ASIC2: variants seen among roughly 807,000 people sequenced by gnomAD.
ASIC2 encodes acid-sensing ion channel 2.
Under a neutral mutation model 57.3 loss-of-function variants are expected in ASIC2, and 25 were observed. The observed-to-expected ratio is 0.44, with a 90% CI of 0.32 to 0.61. The LOEUF (loss-of-function observed/expected upper bound fraction) is 0.61, where lower values mean the gene tolerates loss of function less well. ASIC2 is among the 20% of genes least tolerant of loss of function. ASIC2 has a pLI of 0.06. For missense variants in ASIC2, 641 were observed against 738.1 expected (o/e 0.87, Z 1.52); for synonymous variants, 319 against 307.5 (o/e 1.04, Z -0.39).
intron 1 of ASIC2, among the ~76,000 whole-genome samples, chr17:33,229,753 A>C (rs1796352147): frequency 6.6e-6 from 1 of 152,234 alleles, no homozygotes; most frequent in African/African-American, 2.4e-5. Flanking sequence ...ACCTTGGAAC[A>C]AGCTGCTTTT....
At chr17:33,816,143 T>A (rs1035556605) in intron 1 of ASIC2, among the ~76,000 whole-genome samples, 3 of 128,416 alleles carry the variant, frequency 2.3e-5, no homozygotes, top group African/African-American at 6.1e-5. Context: ...ACATGAGTTG[T>A]TTCCTGAGTA....
intron 1 of ASIC2, among the ~76,000 whole-genome samples, chr17:33,416,065 T>G (rs1407140028): frequency 6.6e-6 from 1 of 152,144 alleles, no homozygotes; most frequent in Non-Finnish European, 1.5e-5. Context: ...TTTGCTGAAG[T>G]GTGTTGGGGG....
chr17:34,012,954 C>A (rs1347746191), intron 1 of ASIC2, among the ~76,000 whole-genome samples: 1 of 152,152 alleles, frequency 6.6e-6, no homozygotes, highest in Non-Finnish European at 1.5e-5. Context: ...CAATGTCCCC[C>A]ACTTCCCCAC....
At position 33,133,140 on chromosome 17, in the gene ASIC2, T is replaced by C. The variant is rs79562052; in HGVS notation, c.709-21073A>G. ...TTGGGCTGAGCGATCAGCTCTCACC[T>C]GAGCGATCAGAAAAGGCTCATGGAA... is the stretch of plus-strand genomic sequence containing the variant. On this transcript the variant is annotated intron_variant, in intron 1 of 9. Transcript: ENST00000225823. Among the ~76,000 whole-genome samples the C allele has an allele frequency of 1.8e-3, 269 of 152,334 alleles. 3 individuals are homozygous for C. The East Asian group carries it at 0.038, about 21-fold the overall frequency.
At chr17:33,464,351 G>C (rs1026443526) in intron 1 of ASIC2, among the ~76,000 whole-genome samples, 6 of 152,136 alleles carry the variant, frequency 3.9e-5, no homozygotes, top group Admixed American at 3.9e-4. Flanking sequence ...AAATTGGAAA[G>C]CTGGTTGACT....
intron 1 of ASIC2, among the ~76,000 whole-genome samples, chr17:33,550,950 T>C (rs1023952422): frequency 7.2e-5 from 11 of 152,174 alleles, no homozygotes; most frequent in African/African-American, 2.7e-4. Context: ...TGAAAAGATA[T>C]GTTGAAGCTC....
intron 3 of ASIC2, among the ~76,000 whole-genome samples, chr17:33,065,348 T>G (rs572139528): frequency 2.0e-5 from 3 of 152,104 alleles, no homozygotes; most frequent in African/African-American, 7.2e-5. Context: ...CTGCTATTTT[T>G]TTTTTTTTGA....
intron 1 of ASIC2, among the ~76,000 whole-genome samples, chr17:33,300,239 T>C (rs1040714436): frequency 6.6e-6 from 1 of 152,190 alleles, no homozygotes; most frequent in Non-Finnish European, 1.5e-5. Flanking sequence ...TATGCCCTTT[T>C]TTTCTACACA....
At chr17:34,127,317 C>T (rs1219078783) in intron 1 of ASIC2, among the ~76,000 whole-genome samples, 1 of 152,186 alleles carries the variant, frequency 6.6e-6, no homozygotes, top group Non-Finnish European at 1.5e-5. Flanking sequence ...CTCTAACTCT[C>T]ATGATTGCTG....
chr17:33,964,779 C>T (rs1000256528), intron 1 of ASIC2, among the ~76,000 whole-genome samples: 1 of 152,190 alleles, frequency 6.6e-6, no homozygotes, highest in Non-Finnish European at 1.5e-5. Flanking sequence ...AGACCTCACT[C>T]CATTGAAGGC....
intron 1 of ASIC2, among the ~76,000 whole-genome samples, chr17:33,380,462 A>C (rs910507483): frequency 6.6e-6 from 1 of 152,150 alleles, no homozygotes; most frequent in African/African-American, 2.4e-5. Flanking sequence ...CATCTTATGC[A>C]GGAGAAAAAA....
chr17:33,017,770 T>C lies in ASIC2; in HGVS notation c.1442-86A>G. 6 of 1,278,236 alleles carry C rather than the reference T, an allele frequency of 4.7e-6. No individual in the cohort carries two copies. In the South Asian group the frequency reaches 5.2e-5, roughly 11 times the overall value. The allele number at this position is 1,278,236 out of a possible 1,614,324, so 79.2% of individuals were successfully genotyped here. A position where few individuals can be genotyped will look rare whatever the true frequency, so the allele number is the denominator to read the frequency against. ...AGACTGAGATGCAACCCAGACCTTCTGAATGGCGCCCCCTCCATGGGGAGC... is the reference window on the plus strand; with the variant it reads ...AGACTGAGATGCAACCCAGACCTTCCGAATGGCGCCCCCTCCATGGGGAGC... On this transcript the variant is annotated intron_variant, in intron 7 of 9. Coordinates refer to ENST00000225823, the MANE Select transcript of ASIC2 (RefSeq NM_183377.2).
rs138144440 is a variant in ASIC2, at chr17:33,314,766, C to A, written c.556-202699G>T. On this transcript the variant is annotated intron_variant, in intron 1 of 9. Transcript: ENST00000359872. ...AAGAACAAAGACAAATGGAAAAGAACGATTCTATTTTTATGCTTTGAAAGC... is the reference window on the plus strand; with the variant it reads ...AAGAACAAAGACAAATGGAAAAGAAAGATTCTATTTTTATGCTTTGAAAGC... 4.2e-3 allele frequency among the ~76,000 whole-genome samples: 647 copies of A among 152,312 alleles called. 4 individuals are homozygous for A. Among genetic ancestry groups the A allele is most frequent in the African/African-American group, 0.015 (606 of 41,580 alleles).
chr17:33,629,150 C>A (rs186433887), intron 1 of ASIC2, among the ~76,000 whole-genome samples: 2 of 152,256 alleles, frequency 1.3e-5, no homozygotes, highest in African/African-American at 4.8e-5. Flanking sequence ...CCTCCTGGTC[C>A]CCCTGGCTCC....
intron 1 of ASIC2, among the ~76,000 whole-genome samples, chr17:33,550,359 G>C (rs1359250660): frequency 6.6e-6 from 1 of 152,160 alleles, no homozygotes; most frequent in Non-Finnish European, 1.5e-5. Flanking sequence ...GGCTCTGCTG[G>C]GCGACAATGA....
intron 1 of ASIC2, among the ~76,000 whole-genome samples, chr17:33,799,498 C>A (rs1285480287): frequency 7.7e-6 from 1 of 129,712 alleles, no homozygotes; most frequent in African/African-American, 3.0e-5. Context: ...TTCTTTCTTA[C>A]TTTCTTTCTT....
At chr17:34,065,642 C>T (rs1419891210) in intron 1 of ASIC2, among the ~76,000 whole-genome samples, 1 of 152,112 alleles carries the variant, frequency 6.6e-6, no homozygotes, top group Non-Finnish European at 1.5e-5. Context: ...CTGCTTTCTG[C>T]CCAGGGCAAA....
At chr17:34,089,457 A>G (rs1910244247) in intron 1 of ASIC2, among the ~76,000 whole-genome samples, 1 of 152,136 alleles carries the variant, frequency 6.6e-6, no homozygotes, top group South Asian at 2.1e-4. Flanking sequence ...TGGGCTCAGT[A>G]ATTACCTGGT....
chr17:33,874,238 C>A (rs1914496850), intron 1 of ASIC2, among the ~76,000 whole-genome samples: 1 of 152,150 alleles, frequency 6.6e-6, no homozygotes, highest in African/African-American at 2.4e-5. Flanking sequence ...GTCTATTTTA[C>A]CCTTCTTGGA....
Sources: allele counts gnomAD v4.1 joint callset (sites outside exome capture counted in the v4.1 genomes callset), GRCh38; gene constraint gnomAD v4.1.1; transcripts MANE v1.5; gene names NCBI Gene and HGNC (gene_info 2026-07-23, HGNC 2026-07-21).